CDH12: variants seen among roughly 807,000 people sequenced by gnomAD.
The protein encoded by CDH12 is cadherin 12.
Under a neutral mutation model 74.1 loss-of-function variants are expected in CDH12, and 41 were observed. The ratio of observed to expected loss-of-function variants is 0.55; its 90% CI spans 0.43 to 0.72. The LOEUF is 0.72. Ranked by LOEUF, CDH12 falls within the 30% of genes least tolerant of loss-of-function variation. The pLI, the probability that CDH12 is intolerant of heterozygous loss-of-function variation, is 0.00. For missense variants in CDH12, 945 were observed against 977.2 expected (o/e 0.97, Z 0.44); for synonymous variants, 399 against 355.0 (o/e 1.12, Z -1.39).
chr5:22,240,648 C>T (rs1752715594), intron 3 of CDH12, among the ~76,000 whole-genome samples: 1 of 152,168 alleles, frequency 6.6e-6, no homozygotes, highest in Non-Finnish European at 1.5e-5. Context: ...ATTCTCCAGC[C>T]TCAGCTTCCT....
At chr5:22,153,903 T>TATAA (rs1478012877) in intron 4 of CDH12, among the ~76,000 whole-genome samples, 3 of 111,146 alleles carry the variant, frequency 2.7e-5, no homozygotes, top group Non-Finnish European at 5.6e-5. Context: ...TATATATATA[T>TATAA]ACACACACAT....
At chr5:22,782,288 C>T (rs1261359495) in intron 1 of CDH12, among the ~76,000 whole-genome samples, 2 of 152,078 alleles carry the variant, frequency 1.3e-5, no homozygotes, top group African/African-American at 2.4e-5. Flanking sequence ...CAAATATCAT[C>T]GTGAATTGTA....
intron 2 of CDH12, among the ~76,000 whole-genome samples, chr5:22,469,811 T>C (rs567049977): frequency 6.6e-6 from 1 of 152,292 alleles, no homozygotes; most frequent in South Asian, 2.1e-4. Flanking sequence ...CCAAAGTCAA[T>C]GTGTCCAAAC....
intron 2 of CDH12, among the ~76,000 whole-genome samples, chr5:22,433,478 GA>G (rs1744254335): frequency 6.6e-6 from 1 of 151,708 alleles, no homozygotes; most frequent in Non-Finnish European, 1.5e-5. Context: ...ATCACTTAAG[GA>G]ATTCACAATC....
At chr5:22,415,016 A>T (rs1370523761) in intron 2 of CDH12, among the ~76,000 whole-genome samples, 1 of 152,132 alleles carries the variant, frequency 6.6e-6, no homozygotes, top group Non-Finnish European at 1.5e-5. Flanking sequence ...GTATCAGCTC[A>T]CATATAGGGT....
intron 11 of CDH12, among the ~76,000 whole-genome samples, chr5:21,768,581 C>A (rs903710967): frequency 2.6e-5 from 4 of 151,904 alleles, no homozygotes; most frequent in Non-Finnish European, 5.9e-5. Context: ...ATGCAAATTA[C>A]CAAAACTGAC....
intron 1 of CDH12, among the ~76,000 whole-genome samples, chr5:22,624,103 G>A (rs1580826694): frequency 6.6e-6 from 1 of 152,218 alleles, no homozygotes; most frequent in Admixed American, 6.5e-5. Flanking sequence ...GGGAAAACTG[G>A]CTAGCCATAT....
intron 1 of CDH12, among the ~76,000 whole-genome samples, chr5:22,627,945 T>C (rs1487357845): frequency 6.6e-6 from 1 of 152,000 alleles, no homozygotes; most frequent in Non-Finnish European, 1.5e-5. Flanking sequence ...AATATTTTAA[T>C]TTCAGACATA....
chr5:22,547,888 G>A (rs918861759), intron 1 of CDH12, among the ~76,000 whole-genome samples: 1 of 152,062 alleles, frequency 6.6e-6, no homozygotes, highest in Non-Finnish European at 1.5e-5. Context: ...CACTATTTCC[G>A]CCCATGGAAA....
intron 3 of CDH12, among the ~76,000 whole-genome samples, chr5:22,306,844 C>G (rs939414117): frequency 6.6e-6 from 1 of 152,056 alleles, no homozygotes; most frequent in Admixed American, 6.6e-5. Context: ...TACCATGCCT[C>G]TACATTAAAG....
intron 6 of CDH12, chr5:21,882,554 G>A (rs1437714935): frequency 2.2e-5 from 28 of 1,281,452 alleles, no homozygotes; most frequent in Admixed American, 3.4e-5. Context: ...AACCTGTCTC[G>A]CCGCGCGCAT....
chr5:21,896,534 A>G (rs141498672), intron 6 of CDH12, among the ~76,000 whole-genome samples: 131 of 152,280 alleles, frequency 8.6e-4, no homozygotes, highest in Middle Eastern at 3.4e-3. Context: ...GAAATACCAG[A>G]TTGTTATAAA....
At chr5:22,684,148 T>C (rs528221932) in intron 1 of CDH12, among the ~76,000 whole-genome samples, 1 of 152,264 alleles carries the variant, frequency 6.6e-6, no homozygotes, top group East Asian at 1.9e-4. Context: ...TAAAAAATAC[T>C]CTTTAAATCA....
chr5:21,830,667 C>T (rs1208889676), intron 8 of CDH12, among the ~76,000 whole-genome samples: 1 of 152,074 alleles, frequency 6.6e-6, no homozygotes, highest in Non-Finnish European at 1.5e-5. Flanking sequence ...GAGTAAATAG[C>T]AGAGCTGTGT....
chr5:22,676,692 GGTGGTAAGCAAGCCACATAAGTATTCA>G (rs1741208462), intron 1 of CDH12, among the ~76,000 whole-genome samples: 1 of 152,092 alleles, frequency 6.6e-6, no homozygotes. Flanking sequence ...CCAGACCCTA[GGTGGTAAGCAAGCCACATAAGTATTCA>G]CAGTGTGGTA....
chr5:22,790,107 C>T (rs550389919), intron 1 of CDH12, among the ~76,000 whole-genome samples: 9 of 152,052 alleles, frequency 5.9e-5, no homozygotes, highest in East Asian at 1.9e-4. Context: ...GTACATCTTC[C>T]GAAAGAACTT....
At chr5:22,264,853 AG>A (rs1753651115) in intron 3 of CDH12, among the ~76,000 whole-genome samples, 1 of 152,310 alleles carries the variant, frequency 6.6e-6, no homozygotes, top group Admixed American at 6.5e-5. Context: ...GAGCTGGCAC[AG>A]GCCTGCTGGG....
intron 4 of CDH12, among the ~76,000 whole-genome samples, chr5:22,183,675 G>T (rs527336522): frequency 6.6e-6 from 1 of 152,226 alleles, no homozygotes; most frequent in Admixed American, 6.5e-5. Flanking sequence ...TAAGAAGGAA[G>T]GGGCAACTGT....
intron 2 of CDH12, among the ~76,000 whole-genome samples, chr5:22,458,786 G>C (rs978425946): frequency 6.6e-6 from 1 of 152,146 alleles, no homozygotes; most frequent in South Asian, 2.1e-4. Context: ...AGACTCAAAA[G>C]AGTTTCTTTC....
Sources: gnomAD v4.1 joint callset for allele counts (sites outside exome capture counted in the v4.1 genomes callset) on GRCh38, gnomAD v4.1.1 for gene constraint, MANE v1.5 for transcripts, NCBI Gene and HGNC (gene_info 2026-07-23, HGNC 2026-07-21) for gene names.